Variants in EPB41L4A observed in about 807,000 individuals in gnomAD.
The protein encoded by EPB41L4A is band 4.1-like protein 4A.
A neutral mutation model predicts 108.6 loss-of-function variants in EPB41L4A; 100 were observed. That is an observed-to-expected ratio of 0.92 (90% CI 0.78 to 1.09). EPB41L4A has a LOEUF of 1.09. EPB41L4A is among the 50% of genes least tolerant of loss of function. The probability of loss-of-function intolerance (pLI) is 0.00; values close to 1 mark genes in which losing one functional copy is unlikely to be tolerated. For missense variants in EPB41L4A, 1,030 were observed against 842.7 expected, an observed-to-expected ratio of 1.22 and a Z score of -2.75; for synonymous variants, 319 against 289.0, an observed-to-expected ratio of 1.10 and a Z score of -1.05.
intron 4 of EPB41L4A, among the ~76,000 whole-genome samples, 180 bp from the exon 5 acceptor site, chr5:112,266,510 A>C (rs1359886229): frequency 6.6e-6 from 1 of 152,162 alleles, no homozygotes; most frequent in Non-Finnish European, 1.5e-5. Flanking sequence ...TTACAGAGGC[A>C]ATACACGGTT....
At chr5:112,288,519 C>T (rs907234275) in intron 2 of EPB41L4A, among the ~76,000 whole-genome samples, 2 of 152,134 alleles carry the variant, frequency 1.3e-5, no homozygotes, top group African/African-American at 2.4e-5. Flanking sequence ...CAGGGCCAAT[C>T]GTCATAGTGA....
At chr5:112,231,778 C>T (rs1167423163) in intron 12 of EPB41L4A, among the ~76,000 whole-genome samples, 2 of 104,088 alleles carry the variant, frequency 1.9e-5, no homozygotes, top group East Asian at 3.1e-4. Context: ...GGCGACAGAG[C>T]TAGACTCCGT....
chr5:112,404,428 C>A (rs1761962295), intron 1 of EPB41L4A, among the ~76,000 whole-genome samples: 1 of 152,170 alleles, frequency 6.6e-6, no homozygotes, highest in African/African-American at 2.4e-5. Flanking sequence ...AAATCTATGG[C>A]ACCTTAACAT....
chr5:112,416,601 C>G (rs919553025), intron 1 of EPB41L4A, among the ~76,000 whole-genome samples: 3 of 152,110 alleles, frequency 2.0e-5, no homozygotes, highest in African/African-American at 7.2e-5. Context: ...ACTAAGTATA[C>G]TATCTCAAGG....
intron 9 of EPB41L4A, among the ~76,000 whole-genome samples, chr5:112,241,750 C>T (rs1749798285): frequency 6.6e-6 from 1 of 152,082 alleles, no homozygotes; most frequent in Non-Finnish European, 1.5e-5. Flanking sequence ...AACCAATACC[C>T]TGTGGATGCT....
intron 1 of EPB41L4A, among the ~76,000 whole-genome samples, chr5:112,342,071 C>G (rs1757357219): frequency 1.3e-5 from 2 of 152,126 alleles, no homozygotes; most frequent in Non-Finnish European, 1.5e-5. Flanking sequence ...CTGTAAAACT[C>G]TGTCACAGAA....
intron 1 of EPB41L4A, among the ~76,000 whole-genome samples, chr5:112,309,336 T>C (rs543505279): frequency 7.5e-4 from 114 of 152,350 alleles, no homozygotes; most frequent in Non-Finnish European, 1.3e-3. Flanking sequence ...AAAACTATCT[T>C]TGCTACTTCT....
intron 1 of EPB41L4A, among the ~76,000 whole-genome samples, chr5:112,412,382 G>C (rs1297165182): frequency 6.6e-6 from 1 of 152,176 alleles, no homozygotes; most frequent in East Asian, 1.9e-4. Context: ...AGAGTGTGTA[G>C]TTATAGAGAA....
chr5:112,191,486 G>A (rs2150253935), intron 17 of EPB41L4A, among the ~76,000 whole-genome samples: 1 of 152,262 alleles, frequency 6.6e-6, no homozygotes, highest in East Asian at 1.9e-4. Context: ...CCTGTTTTGG[G>A]TAAAGTTGAT....
In EPB41L4A at chr5:112,164,953, C is replaced by G; in HGVS notation, c.*37G>C. The G allele has an allele frequency of 6.4e-7, 1 of 1,550,846 alleles. No individual in the cohort carries two copies. The highest frequency in any genetic ancestry group is 8.7e-7 in the Non-Finnish European group (1 of 1,153,350). ...GTTTCAAAAGTACCAGTGGCGCACA[C>G]AACCTTCCCACCCCTACCCTTGACC... is the stretch of plus-strand genomic sequence containing the variant. On this transcript the variant is annotated 3_prime_UTR_variant, in exon 23 of 23. Transcript: ENST00000261486.
At chr5:112,200,068 G>T (rs1313776186) in intron 15 of EPB41L4A, among the ~76,000 whole-genome samples, 2 of 152,236 alleles carry the variant, frequency 1.3e-5, no homozygotes, top group Non-Finnish European at 2.9e-5. Flanking sequence ...TGTAAGATCA[G>T]ATCCCATCTT....
intron 17 of EPB41L4A, among the ~76,000 whole-genome samples, chr5:112,193,166 C>T (rs1177838628): frequency 6.6e-6 from 1 of 152,222 alleles, no homozygotes; most frequent in Non-Finnish European, 1.5e-5. Context: ...ACAATGCTGT[C>T]TGGGCTATTA....
intron 18 of EPB41L4A, among the ~76,000 whole-genome samples, chr5:112,171,973 G>C (rs183300141): frequency 5.0e-4 from 76 of 152,122 alleles, no homozygotes; most frequent in African/African-American, 1.7e-3. Flanking sequence ...CATTCTTCTC[G>C]ATTCATAAGG....
At chr5:112,143,865 G>A (rs939061816) in exon 14 of EPB41L4A, 1 of 455,928 alleles carries the variant, frequency 2.2e-6, no homozygotes, top group Admixed American at 2.4e-5. Flanking sequence ...TAAACAGGGA[G>A]AAAGCAGAGT....
intron 20 of EPB41L4A, 76 bp from the exon 21 acceptor site, chr5:112,169,181 A>C (rs1023828283): frequency 4.9e-6 from 5 of 1,016,668 alleles, no homozygotes; most frequent in Non-Finnish European, 7.8e-6. Flanking sequence ...TTAATATTGA[A>C]ACCGCAAAAG....
intron 12 of EPB41L4A, among the ~76,000 whole-genome samples, chr5:112,146,773 C>T (rs557547263): frequency 2.0e-5 from 3 of 152,250 alleles, no homozygotes; most frequent in South Asian, 2.1e-4. Flanking sequence ...ACTGAAGCAC[C>T]AGCTTTATCC....
chr5:112,254,321 A>G (rs1314022261), intron 9 of EPB41L4A, among the ~76,000 whole-genome samples: 1 of 152,120 alleles, frequency 6.6e-6, no homozygotes, highest in African/African-American at 2.4e-5. Context: ...AACCTCCTAA[A>G]TGCTTCCCAA....
At chr5:112,355,772 C>T (rs1758325483) in intron 1 of EPB41L4A, among the ~76,000 whole-genome samples, 1 of 152,158 alleles carries the variant, frequency 6.6e-6, no homozygotes, top group African/African-American at 2.4e-5. Context: ...GAACTGGAAA[C>T]AAAGCCATAA....
chr5:112,200,351 A>G (rs1390889043), intron 15 of EPB41L4A, among the ~76,000 whole-genome samples: 1 of 152,220 alleles, frequency 6.6e-6, no homozygotes, highest in East Asian at 1.9e-4. Context: ...ACAGGCATCT[A>G]TTTATAAAAA....
Sources: allele counts gnomAD v4.1 joint callset (sites outside exome capture counted in the v4.1 genomes callset), GRCh38; gene constraint gnomAD v4.1.1; transcripts MANE v1.5; gene names NCBI Gene and HGNC (gene_info 2026-07-23, HGNC 2026-07-21).